Variants in RADIL observed in about 807,000 individuals in gnomAD.
The protein encoded by RADIL is Rap associating with DIL domain, also known as ras-associating and dilute domain-containing protein.
RADIL carries 99 observed loss-of-function variants against 97.6 expected under a neutral mutation model. The ratio of observed to expected loss-of-function variants is 1.01; its 90% CI spans 0.86 to 1.20. RADIL has a LOEUF of 1.20. Among genes scored for constraint, RADIL ranks in the 50% most tolerant of loss-of-function variants. RADIL has a pLI of 0.00. For synonymous variants in RADIL, 803 were observed against 691.8 expected (o/e 1.16, Z -2.52); for missense variants, 1,765 against 1,498.9 (o/e 1.18, Z -2.93).
Position 4,835,569 on chromosome 7 carries a change from C to T in RADIL, c.784-330G>A, listed in dbSNP as rs1181857680. On this transcript the variant is annotated intron_variant, in intron 3 of 14. Transcript: ENST00000399583. This position sits in a 1 kb window ranked among gnomAD's most constrained non-coding sequence, Gnocchi z 5.8. Reference sequence around the variant, plus strand: ...GACCGGGCCAAGGACTACATAACTTCCCCCAAGTCATCCCCAAAACTGTGT... The same window carrying T: ...GACCGGGCCAAGGACTACATAACTTTCCCCAAGTCATCCCCAAAACTGTGT... Among the ~76,000 whole-genome samples, 1 of 152,202 alleles carries T rather than the reference C, an allele frequency of 6.6e-6. No homozygotes were observed. The highest frequency in any genetic ancestry group is 2.4e-5 in the African/African-American group (1 of 41,462).
At chr7:4,853,041 T>A (rs762699994) in intron 2 of RADIL, among the ~76,000 whole-genome samples, 26 of 152,064 alleles carry the variant, frequency 1.7e-4, no homozygotes, top group Non-Finnish European at 3.2e-4. Context: ...GATGATGAGA[T>A]TTTAGACTTG....
At position 4,801,856 on chromosome 7, in the gene RADIL, G is replaced by A; in HGVS notation, c.2639C>T (p.Pro880Leu). 6.3e-7 allele frequency: 1 copy of A among 1,596,234 alleles called. No individual in the cohort carries two copies. Among genetic ancestry groups the A allele is most frequent in the Non-Finnish European group, 8.5e-7 (1 of 1,172,092 alleles). Residue 880 changes from proline to leucine, a missense_variant, in exon 12 of 15, where the codon CCC becomes CTC. Coordinates refer to ENST00000399583, the MANE Select transcript of RADIL (RefSeq NM_018059.5). ...PLRGAPWAQAPPGRQPSRGGS... is the reference protein window; with the variant it reads ...PLRGAPWAQALPGRQPSRGGS... The stretch of plus-strand genomic sequence containing the variant: ...CCCACGGCTGGGTTGCCTTCCAGGG[G>A]GGGCCTGTGCCCAGGGAGCCCCCCT...
chr7:4,861,933 C>G (rs1784019577), intron 2 of RADIL: 2 of 542,612 alleles, frequency 3.7e-6, no homozygotes, highest in Non-Finnish European at 5.9e-6. Context: ...CGACCCCACT[C>G]CCACTCCCGC....
At chr7:4,857,514 T>C (rs912000143) in intron 2 of RADIL, among the ~76,000 whole-genome samples, 7 of 152,202 alleles carry the variant, frequency 4.6e-5, no homozygotes, top group East Asian at 1.9e-4. Flanking sequence ...CTTTCCCCCT[T>C]TCTTTCCTGC....
intron 1 of RADIL, among the ~76,000 whole-genome samples, chr7:4,881,225 C>G (rs1254985369): frequency 7.1e-6 from 1 of 141,798 alleles, no homozygotes; most frequent in African/African-American, 2.6e-5. Context: ...ACCATCCTGG[C>G]TAACACTATG....
chr7:4,877,088 G>C (rs1328167028), intron 2 of RADIL, among the ~76,000 whole-genome samples: 1 of 152,198 alleles, frequency 6.6e-6, no homozygotes, highest in East Asian at 1.9e-4. Flanking sequence ...CTCAAATATT[G>C]CAAGAATATA....
At chr7:4,800,815 T>G (rs1334670553) in intron 12 of RADIL, among the ~76,000 whole-genome samples, 1 of 152,194 alleles carries the variant, frequency 6.6e-6, no homozygotes, top group African/African-American at 2.4e-5. Flanking sequence ...AGGTCAGAGA[T>G]GAGCTGTGCA....
chr7:4,832,931 C>G (rs1178447428), intron 4 of RADIL, among the ~76,000 whole-genome samples: 1 of 152,174 alleles, frequency 6.6e-6, no homozygotes, highest in South Asian at 2.1e-4. Context: ...CGCATGGGAT[C>G]TGGACAGCAC....
Position 4,836,341 on chromosome 7 carries a change from C to T in RADIL, c.783+17G>A, listed in dbSNP as rs775311833. 23 of 1,565,064 alleles carry T rather than the reference C, an allele frequency of 1.5e-5. No homozygotes were observed. Among genetic ancestry groups the T allele is most frequent in the African/African-American group, 1.2e-4 (9 of 73,946 alleles). Reference sequence around the variant, plus strand: ...TGCAGTGGCACCGGGCAGTGGGTGTCAGGAGGGGAGGCTCACGTGCTGCTG... The same window carrying T: ...TGCAGTGGCACCGGGCAGTGGGTGTTAGGAGGGGAGGCTCACGTGCTGCTG... On this transcript the variant is annotated intron_variant, in intron 3 of 14. Transcript: ENST00000399583.
intron 7 of RADIL, 129 bp from the exon 8 acceptor site, chr7:4,816,594 T>G: frequency 1.4e-6 from 1 of 720,352 alleles, no homozygotes; most frequent in East Asian, 2.7e-5. Flanking sequence ...AGCTTCCTGC[T>G]GGACAGGCCA....
Position 4,815,270 on chromosome 7 carries a change from A to G in RADIL, c.2139+8T>C. 6.5e-7 allele frequency: 1 copy of G among 1,538,670 alleles called. No individual in the cohort carries two copies. ...CCCACACTCGCCGCCTCCCATGCGCACCCCTACCTGGATGAGCTGGGCCCT... is the reference window on the plus strand; with the variant it reads ...CCCACACTCGCCGCCTCCCATGCGCGCCCCTACCTGGATGAGCTGGGCCCT... On this transcript the variant is annotated splice_region_variant and intron_variant, in intron 9 of 14. Coordinates refer to ENST00000399583, the MANE Select transcript of RADIL (RefSeq NM_018059.5). This position sits in a 1 kb window ranked among gnomAD's most constrained non-coding sequence, Gnocchi z 8.0.
Position 4,835,025 on chromosome 7 carries a change from C to G in RADIL, c.998G>C (p.Gly333Ala), listed in dbSNP as rs374870934. 2.5e-6 allele frequency: 4 copies of G among 1,611,098 alleles called. No homozygotes were observed. In the South Asian group the frequency reaches 4.4e-5, roughly 18 times the overall value. Residue 333 changes from glycine (G) to alanine (A), a missense_variant, in exon 4 of 15, where the codon GGG (glycine) becomes GCG (alanine). Gly to Ala is a moderately conservative substitution (Grantham distance 60, BLOSUM62 0). Coordinates refer to ENST00000399583, the MANE Select transcript of RADIL (RefSeq NM_018059.5). This position sits in a 1 kb window ranked among gnomAD's most constrained non-coding sequence, Gnocchi z 5.8. ...AHISVNFSEVGHRTVVLHHGD... is the reference protein window; with the variant it reads ...AHISVNFSEVAHRTVVLHHGD... ...GTGGTGCAGCACCACGGTCCTGTGC[C>G]CCACCTCGGAGAAGTTGACGGAGAT... is the stretch of plus-strand genomic sequence containing the variant.
At chr7:4,800,539 C>A (rs999364660) in intron 12 of RADIL, among the ~76,000 whole-genome samples, 4 of 152,146 alleles carry the variant, frequency 2.6e-5, no homozygotes, top group African/African-American at 4.8e-5. Context: ...TCAGTCCCCG[C>A]CCCTGGCAGT....
At chr7:4,863,758 T>C (rs1784074322) in intron 2 of RADIL, among the ~76,000 whole-genome samples, 1 of 152,238 alleles carries the variant, frequency 6.6e-6, no homozygotes, top group Non-Finnish European at 1.5e-5. Context: ...GTGTCACCCT[T>C]TGAGGATTCC....
intron 2 of RADIL, among the ~76,000 whole-genome samples, chr7:4,866,773 A>C (rs769144326): frequency 3.3e-5 from 5 of 152,158 alleles, no homozygotes; most frequent in East Asian, 1.9e-4. Context: ...TCCCCACTAA[A>C]ACTCATGTTG....
chr7:4,878,123 T>C lies in RADIL; in HGVS notation c.17A>G (p.His6Arg), dbSNP rs374258156. 25 of 1,562,050 alleles carry C rather than the reference T, an allele frequency of 1.6e-5. No homozygotes were observed. The highest frequency in any genetic ancestry group is 4.1e-5 in the African/African-American group (3 of 73,634). Residue 6 changes from histidine to arginine, a missense_variant, in exon 2 of 15, where the codon CAC (histidine) becomes CGC (arginine). Transcript: ENST00000399583. The surrounding 1 kb of genome is among the most constrained non-coding windows in gnomAD (Gnocchi z 4.1). MFYGTHFIMSPPTKSK... is the reference protein window; with the variant it reads MFYGTRFIMSPPTKSK... ...CTTGGTGGGCGGGGACATGATGAAG[T>C]GCGTCCCATAAAACATGGTGGGTGA...
rs2115002384 is a variant in RADIL at position 4,835,317 on chromosome 7, T to G, written c.784-78A>C. On this transcript the variant is annotated intron_variant, in intron 3 of 14. Coordinates refer to ENST00000399583, the MANE Select transcript of RADIL (RefSeq NM_018059.5). The surrounding 1 kb of genome is among the most constrained non-coding windows in gnomAD (Gnocchi z 5.8). ...AAGCGTCCCGTGTCTAGTCACTGGT[T>G]GCTGAAGCAGCGTGGCTGGGATGCT... The G allele has an allele frequency of 2.0e-6, 3 of 1,537,498 alleles. No individual in the cohort carries two copies. The South Asian group carries it at 3.6e-5, about 18-fold the overall frequency.
At chr7:4,833,624 A>G (rs1479775836) in intron 4 of RADIL, among the ~76,000 whole-genome samples, 1 of 152,168 alleles carries the variant, frequency 6.6e-6, no homozygotes, top group East Asian at 1.9e-4. Context: ...GTGGATTTCG[A>G]TATGAGAAAG....
intron 10 of RADIL, among the ~76,000 whole-genome samples, chr7:4,804,386 T>G (rs1019556817): frequency 6.6e-6 from 1 of 152,216 alleles, no homozygotes; most frequent in Non-Finnish European, 1.5e-5. Flanking sequence ...CGGGGGGGCA[T>G]CCAAGGCCCC....
Sources: gnomAD v4.1 joint callset for allele counts (sites outside exome capture counted in the v4.1 genomes callset) on GRCh38, gnomAD v4.1.1 for gene constraint, Gnocchi (gnomAD v3.1) non-coding constraint, MANE v1.5 for transcripts, NCBI Gene and HGNC (gene_info 2026-07-23, HGNC 2026-07-21) for gene names.